The following NEBL variants were observed in gnomAD, a reference collection of about 807,000 sequenced individuals.
NEBL encodes LIM and SH3 protein 2.
Under a neutral mutation model 140.2 loss-of-function variants are expected in NEBL, and 122 were observed. That is an observed-to-expected ratio of 0.87 (90% CI 0.75 to 1.01). NEBL has a LOEUF of 1.01. Among genes scored for constraint, NEBL ranks in the 50% least tolerant of loss-of-function variants. The pLI, the probability that NEBL is intolerant of heterozygous loss-of-function variation, is 0.00. For synonymous variants in NEBL, 436 were observed against 398.9 expected (o/e 1.09, Z -1.11); for missense variants, 1,365 against 1,231.3 (o/e 1.11, Z -1.62).
At chr10:20,973,113 T>C (rs1836650745) in intron 3 of NEBL, among the ~76,000 whole-genome samples, 1 of 152,210 alleles carries the variant, frequency 6.6e-6, no homozygotes, top group Non-Finnish European at 1.5e-5. Flanking sequence ...TGCTGGAATG[T>C]TGTCTCCCTG....
intron 3 of NEBL, among the ~76,000 whole-genome samples, chr10:20,973,563 C>T (rs184103694): frequency 5.9e-5 from 9 of 152,242 alleles, no homozygotes; most frequent in African/African-American, 2.2e-4. Context: ...CATTTTTTTA[C>T]ATAGAAAAAA....
At chr10:21,086,980 T>C (rs1387710342) in intron 2 of NEBL, among the ~76,000 whole-genome samples, 1 of 152,174 alleles carries the variant, frequency 6.6e-6, no homozygotes, top group Non-Finnish European at 1.5e-5. Context: ...ACTACCCATC[T>C]ACACTCAGCA....
At chr10:21,126,760 G>T (rs1428330912) in intron 2 of NEBL, among the ~76,000 whole-genome samples, 3 of 151,890 alleles carry the variant, frequency 2.0e-5, no homozygotes, top group Admixed American at 2.0e-4. Flanking sequence ...GATCATGAGG[G>T]TCAGGACTTT....
chr10:21,158,579 C>T (rs1840427666), intron 2 of NEBL, among the ~76,000 whole-genome samples: 1 of 152,178 alleles, frequency 6.6e-6, no homozygotes. Flanking sequence ...CCTTCACTCC[C>T]CCACCACATC....
chr10:20,931,173 T>A (rs189158289), intron 4 of NEBL, among the ~76,000 whole-genome samples: 1 of 152,262 alleles, frequency 6.6e-6, no homozygotes, highest in South Asian at 2.1e-4. Flanking sequence ...CAAAATTTCA[T>A]TGGGAAGATG....
chr10:20,943,660 T>C (rs1194996336), intron 4 of NEBL, among the ~76,000 whole-genome samples: 3 of 152,228 alleles, frequency 2.0e-5, no homozygotes, highest in Non-Finnish European at 4.4e-5. Flanking sequence ...AGTTATTTCT[T>C]GTTTCTTACC....
intron 2 of NEBL, among the ~76,000 whole-genome samples, chr10:21,130,318 C>A (rs201379770): frequency 1.3e-5 from 2 of 152,038 alleles, no homozygotes; most frequent in East Asian, 3.9e-4. Flanking sequence ...AATTTCAACA[C>A]CCCTCTATCA....
chr10:20,952,440 GAA>G (rs71390801), intron 4 of NEBL, among the ~76,000 whole-genome samples: 1,018 of 101,698 alleles, frequency 0.01, 9 homozygotes, highest in African/African-American at 0.035. Context: ...CTGTCTGAAG[GAA>G]AAAAAAAAAA....
intron 4 of NEBL, among the ~76,000 whole-genome samples, chr10:20,941,399 A>C (rs1056337925): frequency 6.6e-6 from 1 of 152,026 alleles, no homozygotes; most frequent in African/African-American, 2.4e-5. Context: ...CATGCTAAAA[A>C]CTCTCAATCA....
At chr10:21,099,012 G>A (rs529284503) in intron 2 of NEBL, among the ~76,000 whole-genome samples, 1 of 152,016 alleles carries the variant, frequency 6.6e-6, no homozygotes, top group Admixed American at 6.5e-5. Flanking sequence ...ACACACCTGC[G>A]GTCCTATCTA....
chr10:20,839,331 GA>G (rs1218648228), intron 13 of NEBL, among the ~76,000 whole-genome samples: 2 of 152,162 alleles, frequency 1.3e-5, no homozygotes, highest in Admixed American at 1.3e-4. Flanking sequence ...GGCAACAGAA[GA>G]ATTTGCAGAA....
At chr10:20,789,965 A>AT (rs1414722603) in intron 26 of NEBL, among the ~76,000 whole-genome samples, 4 of 151,018 alleles carry the variant, frequency 2.6e-5, no homozygotes, top group Non-Finnish European at 5.9e-5. Flanking sequence ...ATATATATAT[A>AT]TATACACACA....
chr10:21,189,039 TA>T (rs1219314744), intron 3 of NEBL, among the ~76,000 whole-genome samples: 3 of 152,138 alleles, frequency 2.0e-5, no homozygotes, highest in African/African-American at 7.2e-5. Context: ...TACTGTAAAA[TA>T]ACTATAGTAG....
At chr10:20,905,322 G>T (rs539435884) in intron 4 of NEBL, among the ~76,000 whole-genome samples, 1 of 152,242 alleles carries the variant, frequency 6.6e-6, no homozygotes, top group East Asian at 1.9e-4. Context: ...CCGAGACTGG[G>T]TAATTTATAA....
intron 3 of NEBL, among the ~76,000 whole-genome samples, chr10:21,004,612 C>T (rs990852583): frequency 3.3e-5 from 5 of 151,816 alleles, no homozygotes; most frequent in Admixed American, 2.0e-4. Flanking sequence ...CCCAGCTACT[C>T]GGGAGGCTGA....
chr10:21,189,660 G>A (rs1204020283), intron 3 of NEBL, among the ~76,000 whole-genome samples: 1 of 151,968 alleles, frequency 6.6e-6, no homozygotes, highest in African/African-American at 2.4e-5. Flanking sequence ...TAGAGACGGG[G>A]GTCTCACTGT....
chr10:20,961,840 C>T (rs1219603260), intron 3 of NEBL: 1 of 1,283,784 alleles, frequency 7.8e-7, no homozygotes, highest in East Asian at 2.3e-5. Flanking sequence ...TCGGGATAGG[C>T]TGGGCCAACG....
At position 20,818,989 on chromosome 10, in the gene NEBL, G is replaced by A. The variant is rs932484836; in HGVS notation, c.2055+435C>T. ...TGTTAAATTTTACAAAAGAATTAAT[G>A]CTGCATGTACATATTCACTTTTTCA... is the stretch of plus-strand genomic sequence containing the variant. On this transcript the variant is annotated intron_variant, in intron 20 of 27. Transcript: ENST00000377122. 1.6e-5 allele frequency: 15 copies of A among 957,738 alleles called. No homozygotes were observed. The East Asian group carries it at 3.3e-4, about 21-fold the overall frequency. The allele number at this position is 957,738 out of a possible 1,614,324, so 59.3% of individuals were successfully genotyped here. A position where few individuals can be genotyped will look rare whatever the true frequency, so the allele number is the denominator to read the frequency against.
chr10:21,196,320 T>A (rs900557869), intron 3 of NEBL, among the ~76,000 whole-genome samples: 3 of 138,364 alleles, frequency 2.2e-5, no homozygotes, highest in African/African-American at 9.4e-5. Flanking sequence ...TATTTTTATT[T>A]ATTTATTTAT....
Sources: allele counts gnomAD v4.1 joint callset (sites outside exome capture counted in the v4.1 genomes callset), GRCh38; gene constraint gnomAD v4.1.1; transcripts MANE v1.5; gene names NCBI Gene and HGNC (gene_info 2026-07-23, HGNC 2026-07-21).